ERCC6: variants seen among roughly 807,000 people sequenced by gnomAD.
ERCC6 encodes ERCC excision repair 6, chromatin remodeling factor.
Under a neutral mutation model 158.7 loss-of-function variants are expected in ERCC6, and 116 were observed. That is an observed-to-expected ratio of 0.73 (90% CI 0.63 to 0.85). ERCC6 has a LOEUF of 0.85. Among genes scored for constraint, ERCC6 ranks in the 40% least tolerant of loss-of-function variants. The pLI is 0.00. For synonymous variants in ERCC6, 678 were observed against 659.3 expected (o/e 1.03, Z -0.43); for missense variants, 1,698 against 1,799.4 (o/e 0.94, Z 1.02).
rs149024968 is a variant in ERCC6, at chr10:49,462,602, T to C, written c.3779-1046A>G. On this transcript the variant is annotated intron_variant, in intron 18 of 20. Transcript: ENST00000355832. Reference sequence around the variant, plus strand: ...ATGAAAAGCTAACATCCCTAATATATAAAGAACTCTTTAAAACCAAGGGGA... The same window carrying C: ...ATGAAAAGCTAACATCCCTAATATACAAAGAACTCTTTAAAACCAAGGGGA... Among the ~76,000 whole-genome samples, 374 of 152,050 alleles carry C rather than the reference T, an allele frequency of 2.5e-3. 5 individuals carry two copies. The highest frequency in any genetic ancestry group is 2.6e-4 in the Non-Finnish European group (18 of 67,978).
At chr10:49,530,106 G>A (rs1023891773) in intron 3 of ERCC6, among the ~76,000 whole-genome samples, 1 of 152,024 alleles carries the variant, frequency 6.6e-6, no homozygotes, top group African/African-American at 2.4e-5. Flanking sequence ...CAAGGGCTAA[G>A]CAGAAAAGAG....
chr10:49,490,319 A>G (rs919741780), intron 8 of ERCC6, among the ~76,000 whole-genome samples: 6 of 151,784 alleles, frequency 4.0e-5, no homozygotes, highest in African/African-American at 1.5e-4. Flanking sequence ...TTAATTGAGA[A>G]ATTGACCATT....
intron 10 of ERCC6, among the ~76,000 whole-genome samples, chr10:49,480,179 C>G (rs2132548857): frequency 6.6e-6 from 1 of 152,342 alleles, no homozygotes; most frequent in South Asian, 2.1e-4. Context: ...CTCCCCATCA[C>G]CTTCCTCACC....
chr10:49,531,730 G>T (rs572476594), intron 2 of ERCC6, among the ~76,000 whole-genome samples: 9 of 152,294 alleles, frequency 5.9e-5, no homozygotes, highest in African/African-American at 2.2e-4. Context: ...ACATGTCTTT[G>T]AAGTACCAAC....
rs778871384 is a variant in ERCC6 at position 49,459,087 on chromosome 10, G to A, written c.4210C>T (p.Arg1404Cys). Residue 1404 changes from arginine to cysteine, a missense_variant, in exon 21 of 21, where the codon CGT becomes TGT. Physicochemically the swap from Arg to Cys is radical, Grantham distance 180 (BLOSUM62 -3). Transcript: ENST00000355832. Reference protein sequence around the residue: ...RARNHLILPERLESESGHLQE... With the variant: ...RARNHLILPECLESESGHLQE... ...AGGTGCCCGCTTTCACTTTCTAAAC[G>A]CTCTGGCAGAATCAGGTGGTTTCTA... 19 of 1,614,166 alleles carry A rather than the reference G, an allele frequency of 1.2e-5. No homozygotes were observed. The South Asian group carries it at 1.3e-4, about 11-fold the overall frequency.
At position 49,505,870 on chromosome 10, in the gene ERCC6, C is replaced by T. The variant is rs367763158; in HGVS notation, c.1526+14G>A. On this transcript the variant is annotated intron_variant, in intron 6 of 20. Coordinates refer to ENST00000355832, the MANE Select transcript of ERCC6 (RefSeq NM_000124.4). ...TTGATAGCAAATAGAAAGGAAAGAA[C>T]ATATGGTACATACTTAAAAAGCTTT... The T allele has an allele frequency of 2.5e-6, 4 of 1,612,598 alleles. No individual in the cohort carries two copies. The highest frequency in any genetic ancestry group is 3.3e-5 in the Admixed American group (2 of 59,904).
At chr10:49,506,114 C>T (rs563569979) in intron 5 of ERCC6, 102 bp from the exon 6 acceptor site, 23 of 1,397,080 alleles carry the variant, frequency 1.6e-5, no homozygotes, top group Middle Eastern at 1.8e-4. Context: ...CAAATTAGAA[C>T]GGTCTCTTAG....
downstream of ERCC6, among the ~76,000 whole-genome samples, chr10:49,453,623 C>G (rs1478788002): frequency 6.6e-6 from 1 of 152,148 alleles, no homozygotes; most frequent in African/African-American, 2.4e-5. Context: ...GTGCTCTTCT[C>G]TTGCTTTCAG....
intron 5 of ERCC6, chr10:49,515,904 T>A: frequency 6.2e-7 from 1 of 1,614,208 alleles, no homozygotes; most frequent in African/African-American, 1.3e-5. Context: ...GCCTTTGCCA[T>A]CAATTCGATA....
chr10:49,452,683 C>T (rs1850433609), downstream of ERCC6, among the ~76,000 whole-genome samples: 1 of 152,052 alleles, frequency 6.6e-6, no homozygotes, highest in Non-Finnish European at 1.5e-5. Context: ...TATGGAGTCT[C>T]CAATTATTAT....
chr10:49,485,155 T>G (rs1457860932), intron 8 of ERCC6, among the ~76,000 whole-genome samples: 1 of 152,150 alleles, frequency 6.6e-6, no homozygotes, highest in African/African-American at 2.4e-5. Flanking sequence ...CACCACATTC[T>G]CACCACAGAC....
chr10:49,516,402 T>C, intron 5 of ERCC6: 1 of 1,614,160 alleles, frequency 6.2e-7, no homozygotes, highest in Non-Finnish European at 8.5e-7. Context: ...GTCCACTGGA[T>C]CCAAATTTGC....
In ERCC6 at chr10:49,455,965, T is replaced by C. The variant is rs948240382; in HGVS notation, c.*2850A>G. The C allele has an allele frequency of 6.6e-6, 1 of 152,304 alleles. No individual in the cohort carries two copies. The highest frequency in any genetic ancestry group is 1.9e-4 in the East Asian group (1 of 5,190). 9.4% of individuals were successfully genotyped at this position (152,304 alleles called of 1,614,324 possible). ...AGCAATTCTGCTACATCCACTGACA[T>C]TTAAAATCTACATCATTAATCCAAC... On this transcript the variant is annotated 3_prime_UTR_variant, in exon 21 of 21. Coordinates refer to ENST00000355832, the MANE Select transcript of ERCC6 (RefSeq NM_000124.4).
chr10:49,459,952 G>C, intron 20 of ERCC6: 1 of 266,322 alleles, frequency 3.8e-6, no homozygotes, highest in South Asian at 4.6e-5. Flanking sequence ...AGGCAAGCAG[G>C]GCATTCTTGA....
chr10:49,534,165 A>AAG (rs1321344953), intron 1 of ERCC6, among the ~76,000 whole-genome samples: 28 of 139,194 alleles, frequency 2.0e-4, no homozygotes, highest in Admixed American at 6.8e-4. Flanking sequence ...CAAAAAAAAA[A>AAG]CTCCATTTTA....
chr10:49,477,001 T>C lies in ERCC6; in HGVS notation c.2287-691A>G, dbSNP rs559105732. ...TCTGCAGACCTATGGTCAGTGCCGGTGCTGCTGGAGAAAAGCTCATACATG... is the reference window on the plus strand; with the variant it reads ...TCTGCAGACCTATGGTCAGTGCCGGCGCTGCTGGAGAAAAGCTCATACATG... On this transcript the variant is annotated intron_variant, in intron 11 of 20. Coordinates refer to ENST00000355832, the MANE Select transcript of ERCC6 (RefSeq NM_000124.4). 1.3e-3 allele frequency among the ~76,000 whole-genome samples: 203 copies of C among 152,220 alleles called. 3 individuals are homozygous for C. The highest frequency in any genetic ancestry group is 3.4e-3 in the Middle Eastern group (1 of 294).
At chr10:49,492,669 C>G (rs895052724) in intron 8 of ERCC6, among the ~76,000 whole-genome samples, 1 of 152,178 alleles carries the variant, frequency 6.6e-6, no homozygotes, top group Non-Finnish European at 1.5e-5. Context: ...AGCAACAATA[C>G]TTGCGAAATT....
At chr10:49,478,294 G>T in intron 11 of ERCC6, 60 bp downstream of exon 11, 1 of 1,132,958 alleles carries the variant, frequency 8.8e-7, no homozygotes, top group Non-Finnish European at 1.3e-6. Context: ...GAGAATCAGA[G>T]TGAAGGGAAA....
At chr10:49,492,997 A>T in intron 8 of ERCC6, 120 bp downstream of exon 8, 1 of 1,026,890 alleles carries the variant, frequency 9.7e-7, no homozygotes, top group Non-Finnish European at 1.4e-6. Flanking sequence ...AATTAACTTT[A>T]AATGCAGGAA....
Sources: gnomAD v4.1 joint callset for allele counts (sites outside exome capture counted in the v4.1 genomes callset) on GRCh38, gnomAD v4.1.1 for gene constraint, MANE v1.5 for transcripts, NCBI Gene and HGNC (gene_info 2026-07-23, HGNC 2026-07-21) for gene names.